LEKR1: variants seen among roughly 807,000 people sequenced by gnomAD.
The protein encoded by LEKR1 is leucine, glutamate and lysine rich 1, also known as protein LEKR1.
A neutral mutation model predicts 72.4 loss-of-function variants in LEKR1; 59 were observed. The observed-to-expected ratio is 0.82, with a 90% CI of 0.66 to 1.01. The LOEUF is 1.01. Ranked by LOEUF, LEKR1 falls within the 50% of genes least tolerant of loss-of-function variation. The pLI, the probability that LEKR1 is intolerant of heterozygous loss-of-function variation, is 0.00. For missense variants in LEKR1, 728 were observed against 759.2 expected (o/e 0.96, Z 0.48); for synonymous variants, 257 against 263.2 (o/e 0.98, Z 0.23).
chr3:156,999,224 A>G (rs895279265), intron 9 of LEKR1, among the ~76,000 whole-genome samples: 1 of 152,170 alleles, frequency 6.6e-6, no homozygotes, highest in Non-Finnish European at 1.5e-5. Context: ...GCAGTTCTTT[A>G]TAGCAGCATG....
At chr3:156,930,324 A>G (rs1193602207) in intron 5 of LEKR1, among the ~76,000 whole-genome samples, 1 of 152,162 alleles carries the variant, frequency 6.6e-6, no homozygotes, top group Non-Finnish European at 1.5e-5. Context: ...TAAATATAAA[A>G]GACTCCTTTT....
intron 5 of LEKR1, 92 bp downstream of exon 5, chr3:156,927,696 G>A: frequency 2.1e-6 from 1 of 471,686 alleles, no homozygotes. Context: ...TTATTTGATG[G>A]GAATTAGGAT....
intron 10 of LEKR1, among the ~76,000 whole-genome samples, chr3:157,020,765 A>G (rs1407521983): frequency 6.6e-6 from 1 of 152,248 alleles, no homozygotes; most frequent in East Asian, 1.9e-4. Context: ...TTATAGCAGC[A>G]TGATTTATGG....
intron 4 of LEKR1, among the ~76,000 whole-genome samples, chr3:156,926,714 G>C (rs1052683826): frequency 6.6e-6 from 1 of 151,912 alleles, no homozygotes; most frequent in Non-Finnish European, 1.5e-5. Context: ...TTATGCAGTA[G>C]GCACTGTGCT....
chr3:157,027,239 T>C (rs1427390127), intron 11 of LEKR1, among the ~76,000 whole-genome samples: 1 of 151,988 alleles, frequency 6.6e-6, no homozygotes, highest in Non-Finnish European at 1.5e-5. Flanking sequence ...CCGTCAGTAG[T>C]CACATGTGGC....
At chr3:156,933,265 CATTCATA>C (rs1725413018) in intron 5 of LEKR1, among the ~76,000 whole-genome samples, 1 of 152,108 alleles carries the variant, frequency 6.6e-6, no homozygotes, top group African/African-American at 2.4e-5. Context: ...ATTATTTAAA[CATTCATA>C]TATGTCTTTT....
intron 6 of LEKR1, among the ~76,000 whole-genome samples, chr3:156,944,984 G>A (rs549705517): frequency 6.6e-6 from 1 of 151,658 alleles, no homozygotes; most frequent in African/African-American, 2.4e-5. Context: ...GTTTTTTGAG[G>A]AACCTCCAAA....
chr3:156,957,425 T>C (rs976989722), intron 6 of LEKR1, among the ~76,000 whole-genome samples: 1 of 151,942 alleles, frequency 6.6e-6, no homozygotes, highest in Non-Finnish European at 1.5e-5. Context: ...TTTTTTCTCT[T>C]TTAAATTTTT....
At chr3:156,884,116 G>T (rs1719797596) in intron 3 of LEKR1, among the ~76,000 whole-genome samples, 1 of 152,082 alleles carries the variant, frequency 6.6e-6, no homozygotes, top group African/African-American at 2.4e-5. Context: ...GTTTCCATGT[G>T]CATGGAGTAT....
At chr3:156,949,094 C>G (rs1019932919) in intron 6 of LEKR1, among the ~76,000 whole-genome samples, 1 of 151,330 alleles carries the variant, frequency 6.6e-6, no homozygotes, top group African/African-American at 2.4e-5. Flanking sequence ...CAAATTTTGT[C>G]TCCCATTCTG....
intron 10 of LEKR1, among the ~76,000 whole-genome samples, chr3:157,019,490 C>A (rs1307392997): frequency 6.6e-6 from 1 of 151,976 alleles, no homozygotes; most frequent in Non-Finnish European, 1.5e-5. Flanking sequence ...TAAATAAAAA[C>A]CAAAAATAAT....
At chr3:156,831,261 G>T (rs1712363432) in intron 2 of LEKR1, among the ~76,000 whole-genome samples, 1 of 152,064 alleles carries the variant, frequency 6.6e-6, no homozygotes, top group African/African-American at 2.4e-5. Context: ...GCCAATTGTA[G>T]GTTCTACAAT....
intron 10 of LEKR1, among the ~76,000 whole-genome samples, chr3:157,015,775 G>A (rs1310462826): frequency 6.6e-6 from 1 of 152,094 alleles, no homozygotes; most frequent in Non-Finnish European, 1.5e-5. Flanking sequence ...GTGAGAATTA[G>A]CAGAAAAGAC....
Position 156,926,255 on chromosome 3 carries a change from G to T in LEKR1, c.384-1174G>T, listed in dbSNP as rs142266350. On this transcript the variant is annotated intron_variant, in intron 4 of 12. Coordinates refer to ENST00000356539, the MANE Select transcript of LEKR1 (RefSeq NM_001004316.3). ...GATAAACTGGCCCATGAGTTTCATTGTTTCAAAGACAATTTAATCACTTTC... is the reference window on the plus strand; with the variant it reads ...GATAAACTGGCCCATGAGTTTCATTTTTTCAAAGACAATTTAATCACTTTC... Among the ~76,000 whole-genome samples the T allele has an allele frequency of 5.8e-4, 88 of 152,002 alleles. 1 individual carries two copies. The East Asian group carries it at 0.016, about 28-fold the overall frequency.
chr3:156,975,991 A>G (rs1401799143), intron 6 of LEKR1, among the ~76,000 whole-genome samples: 1 of 151,932 alleles, frequency 6.6e-6, no homozygotes, highest in Non-Finnish European at 1.5e-5. Flanking sequence ...TTATTTAACA[A>G]CTCCTTGCCT....
intron 9 of LEKR1, among the ~76,000 whole-genome samples, chr3:157,003,008 A>C (rs1274479309): frequency 6.6e-6 from 1 of 152,196 alleles, no homozygotes; most frequent in East Asian, 1.9e-4. Flanking sequence ...AAATTCAAGC[A>C]TCTCAAATAT....
At chr3:156,962,082 T>C (rs1560109662) in intron 6 of LEKR1, among the ~76,000 whole-genome samples, 2 of 152,224 alleles carry the variant, frequency 1.3e-5, no homozygotes, top group African/African-American at 4.8e-5. Flanking sequence ...CTGCCTGCTC[T>C]TAGAAAAGGT....
chr3:156,983,862 G>C (rs1730445950), intron 7 of LEKR1, among the ~76,000 whole-genome samples: 2 of 152,116 alleles, frequency 1.3e-5, no homozygotes, highest in South Asian at 4.1e-4. Context: ...CAAGCAAACA[G>C]AGGATCTTAA....
At chr3:156,842,160 T>C (rs781383148) in intron 2 of LEKR1, among the ~76,000 whole-genome samples, 5 of 152,154 alleles carry the variant, frequency 3.3e-5, no homozygotes, top group South Asian at 2.1e-4. Flanking sequence ...GCCAAAAAAA[T>C]TGGGGACTGC....
Sources: gnomAD v4.1 joint callset for allele counts (sites outside exome capture counted in the v4.1 genomes callset) on GRCh38, gnomAD v4.1.1 for gene constraint, MANE v1.5 for transcripts, NCBI Gene and HGNC (gene_info 2026-07-23, HGNC 2026-07-21) for gene names.